The following JMJD1C variants were observed in gnomAD, a reference collection of about 807,000 sequenced individuals.
JMJD1C encodes jumonji domain containing 1C.
JMJD1C carries 31 observed loss-of-function variants against 245.3 expected under a neutral mutation model. That is an observed-to-expected ratio of 0.13 (90% CI 0.09 to 0.17). The LOEUF is 0.17. Among genes scored for constraint, JMJD1C ranks in the 10% least tolerant of loss-of-function variants. The pLI is 1.00. For synonymous variants in JMJD1C, 1,057 were observed against 1,017.4 expected (o/e 1.04, Z -0.74); for missense variants, 2,691 against 3,000.2 (o/e 0.90, Z 2.41).
chr10:63,372,172 T>A (rs1426681276), intron 2 of JMJD1C, among the ~76,000 whole-genome samples: 1 of 152,196 alleles, frequency 6.6e-6, no homozygotes, highest in Non-Finnish European at 1.5e-5. Flanking sequence ...AAGAGAATAT[T>A]TTAAAATAAA....
chr10:63,180,946 T>G (rs1285541243), intron 22 of JMJD1C, among the ~76,000 whole-genome samples: 1 of 152,014 alleles, frequency 6.6e-6, no homozygotes, highest in Non-Finnish European at 1.5e-5. Flanking sequence ...TTTTTTGTAT[T>G]TTTAGTAGAG....
intron 2 of JMJD1C, among the ~76,000 whole-genome samples, chr10:63,297,219 T>A (rs1433685756): frequency 1.3e-5 from 2 of 152,204 alleles, no homozygotes; most frequent in African/African-American, 4.8e-5. Flanking sequence ...GGCTGCCAGT[T>A]CTGGGTAGAG....
chr10:63,378,941 C>A (rs1316381409), intron 2 of JMJD1C, among the ~76,000 whole-genome samples: 1 of 152,082 alleles, frequency 6.6e-6, no homozygotes, highest in Non-Finnish European at 1.5e-5. Flanking sequence ...ATTGAAACTG[C>A]AGGTCACAGA....
In JMJD1C at chr10:63,208,407, A is replaced by C; in HGVS notation, c.3262T>G (p.Leu1088Val). ...YKMKHSVPQS[L>V]PQSNYFTTLS... is the part of the protein sequence containing the mutation. ...GTAGTGAAATAGTTACTTTGGGGTA[A>C]ACTCTGAGGCACTGAGTGCTTCATT... The change falls in exon 10 of 26, where the codon TTA (leucine) becomes GTA (valine). Residue 1088 changes from leucine (L) to valine (V), a missense_variant. Transcript: ENST00000399262. The C allele has an allele frequency of 6.2e-7, 1 of 1,614,002 alleles. No individual in the cohort carries two copies. Among genetic ancestry groups the C allele is most frequent in the Non-Finnish European group, 8.5e-7 (1 of 1,179,962 alleles).
chr10:63,332,406 A>C (rs952688267), intron 2 of JMJD1C, among the ~76,000 whole-genome samples: 2 of 152,262 alleles, frequency 1.3e-5, no homozygotes, highest in Non-Finnish European at 2.9e-5. Context: ...ACCATATCAA[A>C]TAATGAAAAC....
intron 2 of JMJD1C, among the ~76,000 whole-genome samples, chr10:63,282,088 A>C (rs1437575826): frequency 6.6e-6 from 1 of 152,186 alleles, no homozygotes; most frequent in Non-Finnish European, 1.5e-5. Context: ...AACTTGAATA[A>C]GACACCTTTT....
chr10:63,174,544 C>A (rs1842697071), intron 24 of JMJD1C, among the ~76,000 whole-genome samples: 1 of 151,598 alleles, frequency 6.6e-6, no homozygotes, highest in South Asian at 2.1e-4. Flanking sequence ...TATAAAAGTG[C>A]AAGAGGATGC....
chr10:63,509,708 T>C (rs1954818827), intron 1 of JMJD1C, among the ~76,000 whole-genome samples: 1 of 152,222 alleles, frequency 6.6e-6, no homozygotes, highest in Non-Finnish European at 1.5e-5. Flanking sequence ...TCAGTGATAA[T>C]ATTCCTTTAT....
At chr10:63,261,911 T>A (rs892507435) in intron 3 of JMJD1C, among the ~76,000 whole-genome samples, 2 of 152,176 alleles carry the variant, frequency 1.3e-5, no homozygotes, top group African/African-American at 4.8e-5. Flanking sequence ...TTTCTGGAAA[T>A]TTTAAAAACT....
chr10:63,453,740 G>GT (rs1163769819), intron 1 of JMJD1C, among the ~76,000 whole-genome samples: 1 of 151,646 alleles, frequency 6.6e-6, no homozygotes, highest in Non-Finnish European at 1.5e-5. Flanking sequence ...GTTTTTTTTT[G>GT]TTTTTTGTTT....
chr10:63,269,159 A>T (rs556436412), intron 2 of JMJD1C: 2 of 985,386 alleles, frequency 2.0e-6, no homozygotes, highest in Admixed American at 6.1e-5. Flanking sequence ...TTCCCACTGT[A>T]CTCTGTCTGC....
At chr10:63,468,596 C>G (rs986081405), upstream of JMJD1C, among the ~76,000 whole-genome samples, 10 of 152,102 alleles carry the variant, frequency 6.6e-5, no homozygotes, top group Admixed American at 1.3e-4. Context: ...AAAAGAATGA[C>G]AGTGAATTAC....
intron 2 of JMJD1C, among the ~76,000 whole-genome samples, chr10:63,362,281 T>C (rs1407846407): frequency 6.7e-6 from 1 of 150,050 alleles, no homozygotes; most frequent in Non-Finnish European, 1.5e-5. Context: ...TGTTTACCAA[T>C]AAAATCAAGA....
At position 63,193,480 on chromosome 10, in the gene JMJD1C, A is replaced by G; in HGVS notation, c.5735-8T>C. 6.4e-7 allele frequency: 1 copy of G among 1,566,418 alleles called. No homozygotes were observed. Among genetic ancestry groups the G allele is most frequent in the Middle Eastern group, 1.8e-4 (1 of 5,710 alleles). ...CTAGAAGATCTGTCAAAACTACAAA[A>G]TAAAATGGTAGTTAATAAAAAGATT... is the stretch of plus-strand genomic sequence containing the variant. On this transcript the variant is annotated splice_region_variant and splice_polypyrimidine_tract_variant and intron_variant, in intron 14 of 25. Transcript: ENST00000399262.
chr10:63,244,167 A>T (rs981391574), intron 3 of JMJD1C, among the ~76,000 whole-genome samples: 3 of 152,178 alleles, frequency 2.0e-5, no homozygotes, highest in African/African-American at 7.2e-5. Flanking sequence ...GACAAAGGAG[A>T]TGCCATATCA....
intron 1 of JMJD1C, among the ~76,000 whole-genome samples, chr10:63,423,745 T>C (rs1263932800): frequency 1.3e-5 from 2 of 152,214 alleles, no homozygotes; most frequent in Non-Finnish European, 2.9e-5. Flanking sequence ...GCTAAACCAT[T>C]TTACGTTCCC....
At chr10:63,430,437 TACA>T (rs1211646279) in intron 1 of JMJD1C, among the ~76,000 whole-genome samples, 2 of 152,212 alleles carry the variant, frequency 1.3e-5, no homozygotes, top group African/African-American at 4.8e-5. Flanking sequence ...AACAACATGC[TACA>T]ACATGAATAA....
chr10:63,338,175 C>G (rs1449855490), intron 2 of JMJD1C, among the ~76,000 whole-genome samples: 1 of 152,182 alleles, frequency 6.6e-6, no homozygotes, highest in Non-Finnish European at 1.5e-5. Context: ...CACTTTGTCA[C>G]TCAGGCTGGA....
At chr10:63,240,617 GAAGGA>G (rs956945903) in intron 3 of JMJD1C, among the ~76,000 whole-genome samples, 1 of 152,178 alleles carries the variant, frequency 6.6e-6, no homozygotes, top group Non-Finnish European at 1.5e-5. Context: ...GTCCAGCTAT[GAAGGA>G]AAGGAGTAAG....
Sources: allele counts gnomAD v4.1 joint callset (sites outside exome capture counted in the v4.1 genomes callset), GRCh38; gene constraint gnomAD v4.1.1; transcripts MANE v1.5; gene names NCBI Gene and HGNC (gene_info 2026-07-23, HGNC 2026-07-21).